The following STAG1 variants were observed in gnomAD, a reference collection of about 807,000 sequenced individuals.
The protein encoded by STAG1 is STAG1 cohesin complex component, also known as cohesin subunit SA-1.
A neutral mutation model predicts 170.9 loss-of-function variants in STAG1; 26 were observed. That is an observed-to-expected ratio of 0.15 (90% CI 0.11 to 0.21). STAG1 has a LOEUF of 0.21. Among genes scored for constraint, STAG1 ranks in the 10% least tolerant of loss-of-function variants. The pLI, the probability that STAG1 is intolerant of heterozygous loss-of-function variation, is 1.00. For missense variants in STAG1, 964 were observed against 1,509.5 expected (o/e 0.64, Z 5.99); for synonymous variants, 514 against 497.7 (o/e 1.03, Z -0.44).
intron 28 of STAG1, among the ~76,000 whole-genome samples, chr3:136,349,892 G>A (rs973030647): frequency 1.3e-5 from 2 of 152,122 alleles, no homozygotes; most frequent in Non-Finnish European, 2.9e-5. Flanking sequence ...CGTGGCTCAC[G>A]CCTGTAAATC....
At chr3:136,636,063 C>A (rs1041427919) in intron 1 of STAG1, among the ~76,000 whole-genome samples, 2 of 152,048 alleles carry the variant, frequency 1.3e-5, no homozygotes, top group Non-Finnish European at 2.9e-5. Context: ...GACTGGCCAA[C>A]ATGGTGAAAC....
intron 23 of STAG1, among the ~76,000 whole-genome samples, chr3:136,377,299 A>G (rs1937651821): frequency 2.2e-5 from 3 of 133,854 alleles, no homozygotes; most frequent in African/African-American, 8.2e-5. Flanking sequence ...AGGCAGGAGA[A>G]TGGCGTGAAC....
chr3:136,575,988 G>T (rs986884536), intron 4 of STAG1, among the ~76,000 whole-genome samples: 1 of 152,106 alleles, frequency 6.6e-6, no homozygotes, highest in Non-Finnish European at 1.5e-5. Context: ...CTGCCCCTCT[G>T]CCTACTAATA....
At chr3:136,551,216 A>G (rs71630056) in intron 5 of STAG1, among the ~76,000 whole-genome samples, 6 of 81,786 alleles carry the variant, frequency 7.3e-5, no homozygotes, top group Admixed American at 1.2e-4. Context: ...AGTGAGAGAG[A>G]GAGAGAGAGA....
intron 4 of STAG1, among the ~76,000 whole-genome samples, chr3:136,600,563 G>A (rs1576651745): frequency 6.6e-6 from 1 of 152,080 alleles, no homozygotes. Flanking sequence ...ACGGAGTCTC[G>A]CTCTGTCACC....
At chr3:136,511,889 G>T (rs1934080506) in intron 7 of STAG1, among the ~76,000 whole-genome samples, 1 of 151,902 alleles carries the variant, frequency 6.6e-6, no homozygotes, top group African/African-American at 2.4e-5. Flanking sequence ...AATATGGACA[G>T]CAGGAGGATG....
chr3:136,538,845 T>C (rs1042962375), intron 6 of STAG1, among the ~76,000 whole-genome samples: 1 of 152,130 alleles, frequency 6.6e-6, no homozygotes, highest in African/African-American at 2.4e-5. Flanking sequence ...GTTTAAAAAA[T>C]GTTTTAGTGG....
chr3:136,421,166 A>T lies in STAG1; in HGVS notation c.2038-3T>A. The T allele has an allele frequency of 1.2e-6, 2 of 1,600,566 alleles. No individual in the cohort carries two copies. Among genetic ancestry groups the T allele is most frequent in the Admixed American group, 1.7e-5 (1 of 58,040 alleles). On this transcript the variant is annotated splice_polypyrimidine_tract_variant and splice_region_variant and intron_variant, in intron 19 of 33. Transcript: ENST00000383202. ...TCATCATCATCAGCTTCTTCTCCCT[A>T]TAAAAAAAGGAAACATCACATCATT...
intron 5 of STAG1, among the ~76,000 whole-genome samples, chr3:136,558,739 T>C (rs1936724203): frequency 6.6e-6 from 1 of 152,204 alleles, no homozygotes; most frequent in African/African-American, 2.4e-5. Flanking sequence ...TTGCATATCT[T>C]ATAACCCAGC....
At chr3:136,674,399 C>G (rs1371404373) in intron 1 of STAG1, among the ~76,000 whole-genome samples, 1 of 152,200 alleles carries the variant, frequency 6.6e-6, no homozygotes, top group Non-Finnish European at 1.5e-5. Flanking sequence ...CCAGACAGAA[C>G]AGTACATATT....
chr3:136,357,574 A>C, intron 28 of STAG1, 146 bp downstream of exon 28: 1 of 589,638 alleles, frequency 1.7e-6, no homozygotes, highest in Non-Finnish European at 2.8e-6. Context: ...TAAATGCTTG[A>C]AGGAAAACTA....
At chr3:136,403,551 G>A (rs941303242) in intron 21 of STAG1, among the ~76,000 whole-genome samples, 5 of 151,716 alleles carry the variant, frequency 3.3e-5, no homozygotes, top group African/African-American at 1.2e-4. Flanking sequence ...AGGTCTGAAT[G>A]GAAAAGACAA....
At chr3:136,426,166 G>T (rs186751455) in intron 16 of STAG1, among the ~76,000 whole-genome samples, 1 of 151,686 alleles carries the variant, frequency 6.6e-6, no homozygotes, top group African/African-American at 2.4e-5. Context: ...CCAGCACTTT[G>T]GGAGGCCGAG....
rs1045735409 is a variant in STAG1, at chr3:136,337,080, ATTATTC to A, written c.*1168_*1173del. On this transcript the variant is annotated 3_prime_UTR_variant, in exon 34 of 34. Coordinates refer to ENST00000383202, the MANE Select transcript of STAG1 (RefSeq NM_005862.3). ...ATTCATAATTTCTTTCCCCAAAAGA[ATTATTC>A]TTAATATGCACATTTAACACTGAAA... The A allele has an allele frequency of 2.0e-5, 3 of 152,666 alleles. No individual in the cohort carries two copies. The highest frequency in any genetic ancestry group is 7.2e-5 in the African/African-American group (3 of 41,462). 9.5% of individuals were successfully genotyped at this position (152,666 alleles called of 1,614,324 possible). A position where few individuals can be genotyped will look rare whatever the true frequency, so the allele number is the denominator to read the frequency against.
intron 1 of STAG1, among the ~76,000 whole-genome samples, chr3:136,730,981 G>A (rs901013851): frequency 1.3e-5 from 2 of 152,196 alleles, no homozygotes; most frequent in Non-Finnish European, 2.9e-5. Context: ...GAATCTGCAT[G>A]TCTAACAAGT....
chr3:136,742,149 C>G (rs893293889), intron 1 of STAG1, among the ~76,000 whole-genome samples: 7 of 152,070 alleles, frequency 4.6e-5, no homozygotes, highest in African/African-American at 1.7e-4. Flanking sequence ...GACAAAACAA[C>G]AACAACAAAA....
chr3:136,387,643 G>C (rs1317661977), intron 22 of STAG1, among the ~76,000 whole-genome samples: 1 of 152,144 alleles, frequency 6.6e-6, no homozygotes, highest in Non-Finnish European at 1.5e-5. Flanking sequence ...GGGGGAGAGT[G>C]TGCAACTTTT....
intron 1 of STAG1, among the ~76,000 whole-genome samples, chr3:136,640,666 G>A (rs1940758024): frequency 6.7e-6 from 1 of 149,984 alleles, no homozygotes; most frequent in Non-Finnish European, 1.5e-5. Context: ...ACCGCACCTG[G>A]CCTGTTTTGT....
rs557961408 is a variant in STAG1 at position 136,732,131 on chromosome 3, G to C, written c.-84+20064C>G. 2.6e-5 allele frequency among the ~76,000 whole-genome samples: 4 copies of C among 151,154 alleles called. No homozygotes were observed. In the South Asian group the frequency reaches 8.4e-4, roughly 32 times the overall value. On this transcript the variant is annotated intron_variant, in intron 1 of 33. Transcript: ENST00000383202. ...GTAATCAATCAAAGACACACAGTTA[G>C]TGGCAGAGTTATAATTAAAACTCAG...
Sources: gnomAD v4.1 joint callset for allele counts (sites outside exome capture counted in the v4.1 genomes callset) on GRCh38, gnomAD v4.1.1 for gene constraint, MANE v1.5 for transcripts, NCBI Gene and HGNC (gene_info 2026-07-23, HGNC 2026-07-21) for gene names.